LINGO3: variants seen among roughly 807,000 people sequenced by gnomAD.
The protein encoded by LINGO3 is leucine rich repeat and Ig domain containing 3, also known as leucine-rich repeat and immunoglobulin-like domain-containing nogo receptor-interacting protein 3.
For synonymous variants in LINGO3, 427 were observed against 444.2 expected (o/e 0.96, Z 0.49); for missense variants, 750 against 867.7 (o/e 0.86, Z 1.70).
chr19:2,294,733 C>T (rs1296414967), upstream of LINGO3, among the ~76,000 whole-genome samples: 2 of 151,994 alleles, frequency 1.3e-5, no homozygotes, highest in Admixed American at 6.6e-5. This position sits in a 1 kb window ranked among gnomAD's most constrained non-coding sequence, Gnocchi z 4.3. Flanking sequence ...TGGGCTGTTT[C>T]CGTCTCTCCT....
exon 1 of LINGO3, chr19:2,291,690 G>A (rs1219188625): frequency 7.5e-7 from 1 of 1,339,522 alleles, no homozygotes; most frequent in East Asian, 3.4e-5. Context: ...CGGTGCACTC[G>A]CAGCGGGCCG....
downstream of LINGO3, among the ~76,000 whole-genome samples, chr19:2,287,433 A>G (rs1313416854): frequency 1.3e-5 from 2 of 152,018 alleles, no homozygotes; most frequent in African/African-American, 4.8e-5. This position sits in a 1 kb window ranked among gnomAD's most constrained non-coding sequence, Gnocchi z 4.5. Flanking sequence ...GCTAAGAAAA[A>G]AATTGGTTCT....
At chr19:2,287,605 CT>C (rs1372452714), downstream of LINGO3, among the ~76,000 whole-genome samples, 1 of 152,216 alleles carries the variant, frequency 6.6e-6, no homozygotes, top group Admixed American at 6.5e-5. The surrounding 1 kb of genome is among the most constrained non-coding windows in gnomAD (Gnocchi z 4.5). Flanking sequence ...GAAACTTTTG[CT>C]CAAAGCCTTC....
upstream of LINGO3, among the ~76,000 whole-genome samples, chr19:2,293,201 G>A (rs963546025): frequency 8.6e-5 from 13 of 151,720 alleles, no homozygotes; most frequent in South Asian, 2.1e-4. Context: ...AGTAACTGGG[G>A]CTACAGGTGC....
chr19:2,304,702 A>G, the LINGO3 span, among the ~76,000 whole-genome samples: 2 of 137,766 alleles, frequency 1.5e-5, no homozygotes, highest in South Asian at 4.7e-4. Context: ...AGCCTTGGCC[A>G]TGTCCTGCTT....
At chr19:2,288,911 C>T (rs529915911), downstream of LINGO3, among the ~76,000 whole-genome samples, 25 of 151,618 alleles carry the variant, frequency 1.6e-4, no homozygotes, top group South Asian at 5.2e-3. This position sits in a 1 kb window ranked among gnomAD's most constrained non-coding sequence, Gnocchi z 6.5. Context: ...CCCTGCCTGC[C>T]TCTGTGGTCA....
At chr19:2,297,364 GCA>G in the LINGO3 span, among the ~76,000 whole-genome samples, 1 of 141,848 alleles carries the variant, frequency 7.0e-6, no homozygotes, top group Non-Finnish European at 1.5e-5. Context: ...GAGTGCAGTG[GCA>G]TGATCTCTGT....
upstream of LINGO3, among the ~76,000 whole-genome samples, chr19:2,296,946 G>T (rs1180919215): frequency 6.6e-6 from 1 of 151,716 alleles, no homozygotes; most frequent in African/African-American, 2.4e-5. Context: ...CAAAAAATTA[G>T]CCGGGCGTGG....
At chr19:2,303,502 C>T in the LINGO3 span, among the ~76,000 whole-genome samples, 4 of 149,090 alleles carry the variant, frequency 2.7e-5, no homozygotes, top group Non-Finnish European at 5.9e-5. Context: ...TCTGCGCTTG[C>T]GGGGGTGGGA....
At chr19:2,300,862 G>A in the LINGO3 span, among the ~76,000 whole-genome samples, 4 of 152,290 alleles carry the variant, frequency 2.6e-5, no homozygotes, top group South Asian at 2.1e-4. Context: ...CCTGCAAACC[G>A]CGGTCTCCCC....
At chr19:2,305,850 T>TG in the LINGO3 span, among the ~76,000 whole-genome samples, 1 of 152,198 alleles carries the variant, frequency 6.6e-6, no homozygotes, top group Non-Finnish European at 1.5e-5. Flanking sequence ...TCACAGCACG[T>TG]GGCCCTCCAA....
At chr19:2,291,327 G>A (rs373311802) in exon 1 of LINGO3, 3 of 1,613,158 alleles carry the variant, frequency 1.9e-6, no homozygotes, top group Non-Finnish European at 2.5e-6. Flanking sequence ...GGCGCAGGCT[G>A]TGCAGGTCCT....
the LINGO3 span, among the ~76,000 whole-genome samples, chr19:2,299,723 CTTTT>C: frequency 1.2e-5 from 1 of 81,622 alleles, no homozygotes; most frequent in Non-Finnish European, 2.4e-5. Context: ...TGTGCCCTGC[CTTTT>C]TTTTTTTTTT....
chr19:2,303,013 G>T, the LINGO3 span, among the ~76,000 whole-genome samples: 1 of 152,254 alleles, frequency 6.6e-6, no homozygotes, highest in Non-Finnish European at 1.5e-5. Context: ...TCCACGCCCT[G>T]TTACAAATGT....
upstream of LINGO3, among the ~76,000 whole-genome samples, chr19:2,294,735 G>C (rs1406611361): frequency 6.6e-6 from 1 of 151,898 alleles, no homozygotes; most frequent in Non-Finnish European, 1.5e-5. The surrounding 1 kb of genome is among the most constrained non-coding windows in gnomAD (Gnocchi z 4.3). Context: ...GGCTGTTTCC[G>C]TCTCTCCTGG....
the LINGO3 span, among the ~76,000 whole-genome samples, chr19:2,304,611 G>A: frequency 6.6e-6 from 1 of 151,898 alleles, no homozygotes; most frequent in Non-Finnish European, 1.5e-5. Context: ...GTGGGGCCCT[G>A]AGCCAAGGGA....
upstream of LINGO3, among the ~76,000 whole-genome samples, chr19:2,296,449 TAGCTTGGGCAACAG>T (rs2025572452): frequency 6.6e-6 from 1 of 151,302 alleles, no homozygotes; most frequent in African/African-American, 2.4e-5. Flanking sequence ...CGCTGCACTC[TAGCTTGGGCAACAG>T]AGCGAGACTC....
the LINGO3 span, among the ~76,000 whole-genome samples, chr19:2,307,497 C>G: frequency 1.3e-5 from 2 of 152,174 alleles, no homozygotes; most frequent in African/African-American, 4.8e-5. Flanking sequence ...GTGCCCAGGC[C>G]CACCATTTCT....
upstream of LINGO3, among the ~76,000 whole-genome samples, chr19:2,295,098 C>A (rs1260889019): frequency 1.3e-5 from 2 of 152,046 alleles, no homozygotes; most frequent in African/African-American, 4.8e-5. Context: ...AGACGCGGAG[C>A]CCCGGGAGAC....
Sources: allele counts gnomAD v4.1 joint callset (sites outside exome capture counted in the v4.1 genomes callset), GRCh38; gene constraint gnomAD v4.1.1; non-coding constraint Gnocchi (gnomAD v3.1); transcripts MANE v1.5; gene names NCBI Gene and HGNC (gene_info 2026-07-23, HGNC 2026-07-21).